RXRA: variants seen among roughly 807,000 people sequenced by gnomAD.
The protein encoded by RXRA is retinoic acid receptor RXR-alpha.
Under a neutral mutation model 44.5 loss-of-function variants are expected in RXRA, and 5 were observed. The observed-to-expected ratio is 0.11, with a 90% confidence interval of 0.06 to 0.24. RXRA has a LOEUF of 0.24. Ranked by LOEUF, RXRA falls within the 10% of genes least tolerant of loss-of-function variation. The pLI is 1.00. For synonymous variants in RXRA, 291 were observed against 271.4 expected (o/e 1.07, Z -0.71); for missense variants, 412 against 646.5 (o/e 0.64, Z 3.93).
At chr9:134,344,244 C>A (rs28499449) in intron 1 of RXRA, among the ~76,000 whole-genome samples, 1 of 152,128 alleles carries the variant, frequency 6.6e-6, no homozygotes, top group African/African-American at 2.4e-5. Context: ...CCTCTGGCAC[C>A]GGCATGTGCG....
At chr9:134,406,959 T>C (rs2119153824) in intron 2 of RXRA, among the ~76,000 whole-genome samples, 1 of 152,300 alleles carries the variant, frequency 6.6e-6, no homozygotes, top group South Asian at 2.1e-4. Flanking sequence ...AGTCACACAG[T>C]GGCCACCCGC....
rs1304781047 is a variant in RXRA, at chr9:134,343,351, T to A, written c.28+16692T>A. Reference sequence around the variant, plus strand: ...GGCTGGGGTTGCCTCTGAACCTCAGTGTCTTTGAGGGCTGGGAGGAGGAGT... The same window carrying A: ...GGCTGGGGTTGCCTCTGAACCTCAGAGTCTTTGAGGGCTGGGAGGAGGAGT... On this transcript the variant is annotated intron_variant, in intron 1 of 9. Transcript: ENST00000481739. The surrounding 1 kb of genome is among the most constrained non-coding windows in gnomAD (Gnocchi z 4.1). Among the ~76,000 whole-genome samples the A allele has an allele frequency of 6.6e-6, 1 of 152,010 alleles. No individual in the cohort carries two copies. Among genetic ancestry groups the A allele is most frequent in the Non-Finnish European group, 1.5e-5 (1 of 67,990 alleles).
At chr9:134,379,362 G>A (rs1422273628) in intron 1 of RXRA, 48 of 987,382 alleles carry the variant, frequency 4.9e-5, no homozygotes, top group Non-Finnish European at 5.7e-5. Context: ...AGTGGGAGGG[G>A]AGGCTGGCTG....
intron 1 of RXRA, among the ~76,000 whole-genome samples, chr9:134,347,357 C>T (rs1035410740): frequency 2.6e-5 from 4 of 152,344 alleles, no homozygotes; most frequent in East Asian, 3.9e-4. Context: ...AGATGAATTG[C>T]GGGTGCTCGT....
chr9:134,339,519 GT>G (rs1830056778), intron 1 of RXRA, among the ~76,000 whole-genome samples: 2 of 151,172 alleles, frequency 1.3e-5, no homozygotes, highest in South Asian at 4.2e-4. Flanking sequence ...GTGAGTCTGT[GT>G]GTGTGTGTGT....
chr9:134,370,394 G>A (rs1421451099), intron 1 of RXRA, among the ~76,000 whole-genome samples: 1 of 152,216 alleles, frequency 6.6e-6, no homozygotes. Context: ...GGCCTTTCTG[G>A]TCCCTGTGTG....
intron 6 of RXRA, chr9:134,422,696 G>A (rs1294787269): frequency 1.0e-6 from 1 of 985,304 alleles, no homozygotes; most frequent in Admixed American, 6.1e-5. Context: ...CCCCGTCCTG[G>A]GACCTCCTAT....
chr9:134,345,093 G>A lies in RXRA; in HGVS notation c.28+18434G>A, dbSNP rs188183374. On this transcript the variant is annotated intron_variant, in intron 1 of 9. Coordinates refer to ENST00000481739, the MANE Select transcript of RXRA (RefSeq NM_002957.6). ...GGTGGCTTCTCTACCCCAGACTCCA[G>A]CTCTCTCCAGCTCAGCGACTGTGGC... Among the ~76,000 whole-genome samples, 1,368 of 152,338 alleles carry A rather than the reference G, an allele frequency of 9.0e-3. 8 individuals are homozygous for A. The highest frequency in any genetic ancestry group is 0.015 in the Non-Finnish European group (1,012 of 68,004).
chr9:134,381,876 C>T (rs1253807714), intron 1 of RXRA, among the ~76,000 whole-genome samples: 2 of 152,034 alleles, frequency 1.3e-5, no homozygotes, highest in East Asian at 1.9e-4. Context: ...GTGTGTGGGG[C>T]CCACAGGATG....
At chr9:134,335,370 G>A (rs28607796) in intron 1 of RXRA, among the ~76,000 whole-genome samples, 7,063 of 152,286 alleles carry the variant, frequency 0.046, 521 homozygotes, top group African/African-American at 0.16. Flanking sequence ...TGAGGGATGA[G>A]TAGGAGTTTG....
chr9:134,343,857 G>A lies in RXRA; in HGVS notation c.28+17198G>A, dbSNP rs1173420060. Among the ~76,000 whole-genome samples, 1 of 152,160 alleles carries A rather than the reference G, an allele frequency of 6.6e-6. No homozygotes were observed. The highest frequency in any genetic ancestry group is 2.4e-5 in the African/African-American group (1 of 41,452). ...TCCCGGAAGGCGGGGCCAGCTGGCTGGGTCAGCAGATGGGCTCCTCTGGCG... is the reference window on the plus strand; with the variant it reads ...TCCCGGAAGGCGGGGCCAGCTGGCTAGGTCAGCAGATGGGCTCCTCTGGCG... On this transcript the variant is annotated intron_variant, in intron 1 of 9. Coordinates refer to ENST00000481739, the MANE Select transcript of RXRA (RefSeq NM_002957.6). This position sits in a 1 kb window ranked among gnomAD's most constrained non-coding sequence, Gnocchi z 4.1.
intron 4 of RXRA, among the ~76,000 whole-genome samples, chr9:134,410,414 C>A (rs1363830442): frequency 6.6e-6 from 1 of 152,236 alleles, no homozygotes; most frequent in Non-Finnish European, 1.5e-5. Context: ...CCCTGGCCCC[C>A]ATCCAGACCT....
chr9:134,393,569 G>A (rs1830831130), intron 1 of RXRA, among the ~76,000 whole-genome samples: 1 of 152,228 alleles, frequency 6.6e-6, no homozygotes, highest in Admixed American at 6.5e-5. Flanking sequence ...GGAAGGTGGT[G>A]CGTGCATATC....
intron 2 of RXRA, among the ~76,000 whole-genome samples, chr9:134,406,840 C>G (rs1831058695): frequency 6.6e-6 from 1 of 152,264 alleles, no homozygotes. Context: ...AAAGCCCAGG[C>G]ACCGCACCCC....
intron 1 of RXRA, among the ~76,000 whole-genome samples, chr9:134,390,144 T>A (rs116111165): frequency 0.019 from 2,902 of 152,216 alleles, 103 homozygotes; most frequent in African/African-American, 0.065. Flanking sequence ...GCCTCCTGGG[T>A]CGGCATCTCC....
At chr9:134,387,740 A>G (rs1037950501) in intron 1 of RXRA, among the ~76,000 whole-genome samples, 1 of 152,186 alleles carries the variant, frequency 6.6e-6, no homozygotes, top group African/African-American at 2.4e-5. Context: ...TGCCTCGCAC[A>G]CTTGTCCCGG....
chr9:134,421,655 G>C, intron 5 of RXRA, 21 bp from the exon 6 acceptor site: 1 of 1,552,610 alleles, frequency 6.4e-7, no homozygotes. Context: ...TGAATGTCCT[G>C]CTCTTCTTCC....
Position 134,436,509 on chromosome 9 carries a change from C to T in RXRA, c.1284C>T (p.Ile428=), listed in dbSNP as rs369370907. The change falls in exon 10 of 10, where the codon ATC becomes ATT. Residue 428 remains isoleucine (I), a synonymous_variant. Coordinates refer to ENST00000481739, the MANE Select transcript of RXRA (RefSeq NM_002957.6). ...LLLRLPALRS[I]GLKCLEHLFF... ...TCCGCCTGCCGGCTCTGCGCTCCAT[C>T]GGGCTCAAATGCCTGGAACATCTCT... The T allele has an allele frequency of 9.9e-5, 160 of 1,614,198 alleles. No individual in the cohort carries two copies. Among genetic ancestry groups the T allele is most frequent in the Middle Eastern group, 6.6e-4 (4 of 6,062 alleles).
chr9:134,390,182 A>G lies in RXRA; in HGVS notation c.29-11450A>G, dbSNP rs1260873117. The stretch of plus-strand genomic sequence containing the variant: ...GGTGCAGGGTGGAGTCCGCTCCCCA[A>G]TCCCTGGGCTTAAGGGAAGGGGAGG... On this transcript the variant is annotated intron_variant, in intron 1 of 9. Transcript: ENST00000481739. 3.3e-5 allele frequency among the ~76,000 whole-genome samples: 5 copies of G among 152,212 alleles called. No individual in the cohort carries two copies. In the East Asian group the frequency reaches 7.8e-4, roughly 24 times the overall value.
Sources: gnomAD v4.1 joint callset for allele counts (sites outside exome capture counted in the v4.1 genomes callset) on GRCh38, gnomAD v4.1.1 for gene constraint, Gnocchi (gnomAD v3.1) non-coding constraint, MANE v1.5 for transcripts, NCBI Gene and HGNC (gene_info 2026-07-23, HGNC 2026-07-21) for gene names.